IFT25: variants seen among roughly 807,000 people sequenced by gnomAD.
The protein encoded by IFT25 is intraflagellar transport 25, also known as intraflagellar transport protein 25 homolog.
chr1:53,942,545 T>G, the IFT25 span, among the ~76,000 whole-genome samples: 2 of 152,150 alleles, frequency 1.3e-5, no homozygotes, highest in African/African-American at 4.8e-5. Flanking sequence ...ACCTGAAATA[T>G]TTACTATTTG....
At chr1:53,928,693 G>T in the IFT25 span, 1 of 390,854 alleles carries the variant, frequency 2.6e-6, no homozygotes, top group Non-Finnish European at 4.6e-6. Context: ...ATTTGGCATT[G>T]TTCCGATTTT....
the IFT25 span, among the ~76,000 whole-genome samples, chr1:53,914,447 A>G: frequency 1.3e-5 from 2 of 152,042 alleles, no homozygotes; most frequent in Non-Finnish European, 2.9e-5. Context: ...AACCAGAAGT[A>G]TCCATTTTTA....
At chr1:53,928,330 T>C in the IFT25 span, 3 of 1,408,958 alleles carry the variant, frequency 2.1e-6, no homozygotes, top group Non-Finnish European at 3.0e-6. Context: ...AGGAATATTA[T>C]CTACTCCTTC....
At chr1:53,937,134 T>A in the IFT25 span, among the ~76,000 whole-genome samples, 1 of 152,204 alleles carries the variant, frequency 6.6e-6, no homozygotes, top group African/African-American at 2.4e-5. Context: ...TGGTTTTTCT[T>A]TGAGACAGAG....
At chr1:53,921,032 G>A in the IFT25 span, among the ~76,000 whole-genome samples, 1 of 152,136 alleles carries the variant, frequency 6.6e-6, no homozygotes, top group East Asian at 1.9e-4. Flanking sequence ...AACTAGCCAG[G>A]CATGGCGTTA....
chr1:53,932,179 C>T, the IFT25 span, among the ~76,000 whole-genome samples: 910 of 152,214 alleles, frequency 6.0e-3, 9 homozygotes, highest in African/African-American at 0.021. Context: ...GGTGAAACCC[C>T]GTCTCTACTA....
the IFT25 span, among the ~76,000 whole-genome samples, chr1:53,943,027 T>C: frequency 6.6e-6 from 1 of 152,208 alleles, no homozygotes; most frequent in Admixed American, 6.5e-5. Flanking sequence ...AATGCGACTA[T>C]AATTTTTACT....
At chr1:53,939,611 G>A in the IFT25 span, 1 of 215,644 alleles carries the variant, frequency 4.6e-6, no homozygotes, top group Non-Finnish European at 9.1e-6. Flanking sequence ...AGACCAGTAA[G>A]GAAATAGGTA....
the IFT25 span, among the ~76,000 whole-genome samples, chr1:53,937,406 C>A: frequency 6.6e-6 from 1 of 152,186 alleles, no homozygotes; most frequent in Non-Finnish European, 1.5e-5. Context: ...ACATGAGCCA[C>A]CGCGCCTGGC....
the IFT25 span, chr1:53,939,946 G>A: frequency 3.2e-5 from 37 of 1,168,564 alleles, no homozygotes; most frequent in South Asian, 7.4e-5. Flanking sequence ...GGGATTCACC[G>A]ATTTAAGACT....
the IFT25 span, among the ~76,000 whole-genome samples, chr1:53,923,138 G>T: frequency 6.6e-6 from 1 of 152,192 alleles, no homozygotes; most frequent in Non-Finnish European, 1.5e-5. Context: ...TTTGGTGGGA[G>T]AGAAAGGAAC....
the IFT25 span, among the ~76,000 whole-genome samples, chr1:53,938,850 G>GA: frequency 6.6e-6 from 1 of 152,072 alleles, no homozygotes; most frequent in Non-Finnish European, 1.5e-5. Flanking sequence ...CAAGGCGGGC[G>GA]AATCACCTGA....
the IFT25 span, among the ~76,000 whole-genome samples, chr1:53,915,949 C>A: frequency 6.6e-6 from 1 of 152,102 alleles, no homozygotes; most frequent in Non-Finnish European, 1.5e-5. Flanking sequence ...CTTTGGGAGG[C>A]CAAGGTAGGA....
chr1:53,935,980 G>T, the IFT25 span, among the ~76,000 whole-genome samples: 1 of 151,856 alleles, frequency 6.6e-6, no homozygotes, highest in East Asian at 1.9e-4. Flanking sequence ...CATCTAACTA[G>T]GCCGGGCGCG....
the IFT25 span, among the ~76,000 whole-genome samples, chr1:53,931,739 A>G: frequency 1.7e-4 from 26 of 150,674 alleles, no homozygotes; most frequent in Non-Finnish European, 4.4e-5. Context: ...CATTTTCTTT[A>G]TTTCTTGGCT....
At chr1:53,932,386 C>A in the IFT25 span, among the ~76,000 whole-genome samples, 51 of 150,508 alleles carry the variant, frequency 3.4e-4, no homozygotes, top group African/African-American at 1.2e-3. Context: ...TCTTTTTTGA[C>A]CCATGGGTTA....
At chr1:53,918,864 G>A in the IFT25 span, among the ~76,000 whole-genome samples, 3 of 152,052 alleles carry the variant, frequency 2.0e-5, no homozygotes, top group Non-Finnish European at 4.4e-5. Flanking sequence ...TTGAGATGTA[G>A]TTTCACTCTT....
chr1:53,927,307 T>C, the IFT25 span, among the ~76,000 whole-genome samples: 1 of 152,210 alleles, frequency 6.6e-6, no homozygotes, highest in Non-Finnish European at 1.5e-5. Context: ...ATAGGTCTTT[T>C]TTCTAGGGCC....
At chr1:53,941,454 T>C in the IFT25 span, among the ~76,000 whole-genome samples, 1 of 152,234 alleles carries the variant, frequency 6.6e-6, no homozygotes, top group African/African-American at 2.4e-5. Context: ...AAGTTCACTT[T>C]CTATTATATT....
Sources: gnomAD v4.1 joint callset for allele counts (sites outside exome capture counted in the v4.1 genomes callset) on GRCh38, gnomAD v4.1.1 for gene constraint, MANE v1.5 for transcripts, NCBI Gene and HGNC (gene_info 2026-07-23, HGNC 2026-07-21) for gene names.